RABGAP1L: variants seen among roughly 807,000 people sequenced by gnomAD.
RABGAP1L encodes rab GTPase-activating protein 1-like.
A neutral mutation model predicts 137.7 loss-of-function variants in RABGAP1L; 63 were observed. The observed-to-expected ratio is 0.46, with a 90% CI of 0.37 to 0.56. The LOEUF is 0.56. Ranked by LOEUF, RABGAP1L falls within the 20% of genes least tolerant of loss-of-function variation. RABGAP1L has a pLI of 0.00. For missense variants in RABGAP1L, 1,095 were observed against 1,244.0 expected (o/e 0.88, Z 1.80); for synonymous variants, 431 against 433.7 (o/e 0.99, Z 0.08).
At chr1:174,765,794 G>C (rs1376733228) in intron 18 of RABGAP1L, among the ~76,000 whole-genome samples, 1 of 151,996 alleles carries the variant, frequency 6.6e-6, no homozygotes. Flanking sequence ...TGTGCATTTG[G>C]TGTCATATCT....
intron 13 of RABGAP1L, among the ~76,000 whole-genome samples, chr1:174,505,966 A>G (rs896906104): frequency 1.3e-5 from 2 of 152,236 alleles, no homozygotes; most frequent in African/African-American, 4.8e-5. Flanking sequence ...CAGCCTTTAA[A>G]AAGTTAGAAA....
chr1:174,311,656 G>T (rs1678863834), intron 11 of RABGAP1L, among the ~76,000 whole-genome samples: 1 of 152,110 alleles, frequency 6.6e-6, no homozygotes, highest in Non-Finnish European at 1.5e-5. Flanking sequence ...GCCCAGGCTG[G>T]AGTGCAGTGG....
chr1:174,825,283 G>T (rs1356976987), intron 19 of RABGAP1L, among the ~76,000 whole-genome samples: 2 of 152,190 alleles, frequency 1.3e-5, no homozygotes, highest in South Asian at 2.1e-4. Flanking sequence ...TAGTAGTTTA[G>T]GCTAGGAGAA....
At chr1:174,518,504 AT>A (rs1394201373) in intron 13 of RABGAP1L, among the ~76,000 whole-genome samples, 1 of 151,944 alleles carries the variant, frequency 6.6e-6, no homozygotes, top group Non-Finnish European at 1.5e-5. Context: ...CTGTATTGTT[AT>A]TTTTTTCCTG....
At chr1:174,928,707 G>A (rs1377299933) in intron 19 of RABGAP1L, among the ~76,000 whole-genome samples, 1 of 151,908 alleles carries the variant, frequency 6.6e-6, no homozygotes, top group African/African-American at 2.4e-5. Context: ...CTCTCTTTAT[G>A]AAGAAGCTTT....
chr1:174,212,401 A>G (rs983611529), intron 1 of RABGAP1L, among the ~76,000 whole-genome samples: 3 of 152,232 alleles, frequency 2.0e-5, no homozygotes, highest in East Asian at 3.9e-4. Context: ...TTTAGAAACT[A>G]TACAAACACA....
rs931306860 is a variant in RABGAP1L, at chr1:174,652,769, A to G, written c.1824+15281A>G. On this transcript the variant is annotated intron_variant, in intron 14 of 25. Transcript: ENST00000681986. ...GGAGGTGTCCCCAGTCAGGAGGCAC[A>G]GGGGTCTGGAACCCACTTGAGGTGG... Among the ~76,000 whole-genome samples, 3 of 152,176 alleles carry G rather than the reference A, an allele frequency of 2.0e-5. No homozygotes were observed. In the East Asian group the frequency reaches 5.8e-4, roughly 29 times the overall value.
At chr1:174,837,138 G>T (rs944032707) in intron 19 of RABGAP1L, among the ~76,000 whole-genome samples, 2 of 151,710 alleles carry the variant, frequency 1.3e-5, no homozygotes, top group African/African-American at 4.9e-5. Context: ...ACCCGGGAGG[G>T]AGAGGTTGCA....
chr1:174,331,523 G>T (rs1221664095), intron 11 of RABGAP1L, among the ~76,000 whole-genome samples: 1 of 152,142 alleles, frequency 6.6e-6, no homozygotes, highest in Non-Finnish European at 1.5e-5. Flanking sequence ...TAGTCAACAG[G>T]TTTATGATAA....
At chr1:174,436,576 C>T (rs948712531) in intron 13 of RABGAP1L, among the ~76,000 whole-genome samples, 6 of 152,096 alleles carry the variant, frequency 3.9e-5, no homozygotes, top group South Asian at 2.1e-4. Flanking sequence ...GATGAGTAGG[C>T]TGCAAAAATT....
Position 174,370,679 on chromosome 1 carries a change from T to C in RABGAP1L, c.1466-300T>C, listed in dbSNP as rs1054168686. On this transcript the variant is annotated intron_variant, in intron 11 of 25. Transcript: ENST00000681986. ...TGGTGAGTAGAACACCATATGGGAA[T>C]TTCCAGTTGTGCTACCATTAGCCTT... Among the ~76,000 whole-genome samples, 3 of 151,842 alleles carry C rather than the reference T, an allele frequency of 2.0e-5. No homozygotes were observed. In the South Asian group the frequency reaches 6.2e-4, roughly 32 times the overall value.
At chr1:174,936,971 ATTT>A (rs909397955) in intron 19 of RABGAP1L, among the ~76,000 whole-genome samples, 24 of 101,526 alleles carry the variant, frequency 2.4e-4, no homozygotes, top group African/African-American at 9.2e-4. Context: ...TATAAGATTA[ATTT>A]TTTTTTTTTT....
intron 14 of RABGAP1L, among the ~76,000 whole-genome samples, chr1:174,644,070 T>C (rs1315901299): frequency 6.6e-6 from 1 of 152,022 alleles, no homozygotes; most frequent in Non-Finnish European, 1.5e-5. Flanking sequence ...TTTGGGGGTT[T>C]TTTTGGTCCT....
chr1:174,881,746 C>T (rs912279807), intron 19 of RABGAP1L, among the ~76,000 whole-genome samples: 8 of 151,824 alleles, frequency 5.3e-5, no homozygotes, highest in Admixed American at 3.3e-4. Context: ...GTGACCCGCC[C>T]GCCTCAGCCC....
intron 13 of RABGAP1L, among the ~76,000 whole-genome samples, chr1:174,601,389 G>A (rs567503880): frequency 1.1e-3 from 164 of 152,148 alleles, no homozygotes; most frequent in Middle Eastern, 6.8e-3. Context: ...TTTCTCCCCA[G>A]AAAAATGGGT....
chr1:174,637,520 AT>A, intron 14 of RABGAP1L, 32 bp downstream of exon 14: 1 of 1,453,628 alleles, frequency 6.9e-7, no homozygotes, highest in Non-Finnish European at 9.6e-7. Context: ...TTTCTAAATT[AT>A]TTTACAGAGC....
At chr1:174,377,481 T>C (rs80232010) in intron 12 of RABGAP1L, among the ~76,000 whole-genome samples, 11,131 of 152,202 alleles carry the variant, frequency 0.073, 606 homozygotes, top group East Asian at 0.32. Flanking sequence ...CAAAAGAGTA[T>C]TGATACAAGG....
intron 21 of RABGAP1L, among the ~76,000 whole-genome samples, chr1:174,974,058 G>A (rs1376345713): frequency 2.1e-5 from 3 of 139,690 alleles, no homozygotes; most frequent in Non-Finnish European, 4.5e-5. Flanking sequence ...GCAAGATCTC[G>A]GCTCACTGCA....
intron 13 of RABGAP1L, among the ~76,000 whole-genome samples, chr1:174,461,875 G>A (rs939594762): frequency 2.6e-5 from 4 of 151,946 alleles, no homozygotes; most frequent in Admixed American, 6.6e-5. Flanking sequence ...TTGAATATGC[G>A]TCTTAAAGGG....
Sources: gnomAD v4.1 joint callset for allele counts (sites outside exome capture counted in the v4.1 genomes callset) on GRCh38, gnomAD v4.1.1 for gene constraint, MANE v1.5 for transcripts, NCBI Gene and HGNC (gene_info 2026-07-23, HGNC 2026-07-21) for gene names.